NLRC5: variants seen among roughly 807,000 people sequenced by gnomAD.
The protein encoded by NLRC5 is protein NLRC5.
Under a neutral mutation model 206.9 loss-of-function variants are expected in NLRC5, and 114 were observed. That is an observed-to-expected ratio of 0.55 (90% CI 0.47 to 0.64). The LOEUF is 0.64. Among genes scored for constraint, NLRC5 ranks in the 30% least tolerant of loss-of-function variants. The pLI is 0.00. For synonymous variants in NLRC5, 952 were observed against 962.8 expected (o/e 0.99, Z 0.21); for missense variants, 2,008 against 2,305.5 (o/e 0.87, Z 2.64).
chr16:57,031,360 GT>G (rs564555412), intron 10 of NLRC5, 43 bp from the exon 11 acceptor site: 3 of 1,608,332 alleles, frequency 1.9e-6, no homozygotes, highest in Non-Finnish European at 2.6e-6. Context: ...TGATGTGCTG[GT>G]TTCCAGTCTC....
At chr16:57,080,493 T>TTC (rs1405018515) in intron 46 of NLRC5, among the ~76,000 whole-genome samples, 1 of 147,118 alleles carries the variant, frequency 6.8e-6, no homozygotes, top group Non-Finnish European at 1.5e-5. Context: ...TTTTTTTTTT[T>TTC]TTTTTTTTTG....
At chr16:57,063,932 G>T (rs369403470) in intron 32 of NLRC5, among the ~76,000 whole-genome samples, 3 of 150,128 alleles carry the variant, frequency 2.0e-5, no homozygotes, top group Admixed American at 6.6e-5. Flanking sequence ...TAGAGACGGG[G>T]TTTCACCATG....
chr16:57,072,400 C>T (rs954546992), intron 38 of NLRC5, among the ~76,000 whole-genome samples: 11 of 152,312 alleles, frequency 7.2e-5, no homozygotes, highest in Middle Eastern at 3.4e-3. Flanking sequence ...TGGGCGCATG[C>T]ACACCCTATC....
chr16:57,021,317 G>T (rs1413466222), intron 3 of NLRC5, among the ~76,000 whole-genome samples: 4 of 152,004 alleles, frequency 2.6e-5, no homozygotes, highest in African/African-American at 9.6e-5. Context: ...GCGGGGGTGG[G>T]GGGGTGTTTT....
intron 21 of NLRC5, 99 bp downstream of exon 21, chr16:57,045,591 C>G (rs2063840181): frequency 8.9e-7 from 1 of 1,127,010 alleles, no homozygotes; most frequent in South Asian, 1.3e-5. Flanking sequence ...CCACTCAGCT[C>G]TCAGTTAAAC....
intron 32 of NLRC5, chr16:57,062,776 T>C (rs1042990654): frequency 1.3e-5 from 2 of 152,276 alleles, no homozygotes; most frequent in African/African-American, 4.8e-5. Context: ...CATAACAAAA[T>C]TTGCCATCTT....
At chr16:57,058,661 T>G (rs2066008636) in intron 28 of NLRC5, among the ~76,000 whole-genome samples, 1 of 152,188 alleles carries the variant, frequency 6.6e-6, no homozygotes, top group Non-Finnish European at 1.5e-5. Flanking sequence ...CAACTGAGCT[T>G]CGTGCTCGGG....
At chr16:57,078,492 G>A (rs1363115493) in intron 43 of NLRC5, among the ~76,000 whole-genome samples, 4 of 89,666 alleles carry the variant, frequency 4.5e-5, no homozygotes, top group African/African-American at 1.7e-4. Context: ...TTTTTTTTTA[G>A]ATGGAGTCTC....
chr16:57,038,811 T>C (rs940327511), intron 15 of NLRC5, among the ~76,000 whole-genome samples: 2 of 151,892 alleles, frequency 1.3e-5, no homozygotes, highest in Non-Finnish European at 2.9e-5. Context: ...GGCGTGCACC[T>C]GTAATTCCAG....
chr16:57,034,698 C>T (rs2062305865), intron 13 of NLRC5: 1 of 155,734 alleles, frequency 6.4e-6, no homozygotes, highest in South Asian at 1.9e-4. Flanking sequence ...AAACCACAGT[C>T]CCTCAGGGCT....
intron 8 of NLRC5, 63 bp downstream of exon 8, chr16:57,028,448 C>G (rs965602873): frequency 9.5e-6 from 12 of 1,263,570 alleles, no homozygotes; most frequent in Middle Eastern, 4.0e-4. Flanking sequence ...GTCCCAGAGT[C>G]CCCCTGGGGC....
intron 1 of NLRC5, among the ~76,000 whole-genome samples, chr16:57,010,979 G>C (rs1457242914): frequency 6.6e-6 from 1 of 152,086 alleles, no homozygotes; most frequent in Non-Finnish European, 1.5e-5. Context: ...CAGTGGGAAA[G>C]GCTCTCCTGT....
intron 37 of NLRC5, among the ~76,000 whole-genome samples, chr16:57,070,186 G>A (rs548679436): frequency 6.6e-6 from 1 of 152,264 alleles, no homozygotes; most frequent in Non-Finnish European, 1.5e-5. Context: ...TGGGGCTCAT[G>A]AGCCTTGCTC....
At chr16:57,037,852 G>A (rs978843416) in intron 15 of NLRC5, among the ~76,000 whole-genome samples, 6 of 152,112 alleles carry the variant, frequency 3.9e-5, no homozygotes, top group Non-Finnish European at 5.9e-5. Context: ...GTTCCCACTC[G>A]GAGGAAAGCC....
At chr16:57,041,297 A>G (rs2063254172) in intron 17 of NLRC5, 188 bp from the exon 18 acceptor site, 1 of 573,438 alleles carries the variant, frequency 1.7e-6, no homozygotes, top group Non-Finnish European at 3.1e-6. Flanking sequence ...CTCTGCCTAT[A>G]TGTGACATCC....
chr16:57,073,680 G>A (rs531260913), intron 38 of NLRC5, among the ~76,000 whole-genome samples: 2 of 152,146 alleles, frequency 1.3e-5, no homozygotes, highest in Non-Finnish European at 2.9e-5. Context: ...TGCAACCTCC[G>A]CCTCCCGGGT....
intron 38 of NLRC5, 66 bp downstream of exon 38, chr16:57,070,684 T>TG: frequency 7.3e-7 from 1 of 1,375,286 alleles, no homozygotes; most frequent in Non-Finnish European, 1.0e-6. Context: ...TGGAAGTGGG[T>TG]GAGTGGTGGG....
At chr16:56,996,501 G>A (rs760788967) in intron 1 of NLRC5, among the ~76,000 whole-genome samples, 1 of 152,052 alleles carries the variant, frequency 6.6e-6, no homozygotes. Flanking sequence ...GTTTCTTTTC[G>A]ATGATACCTT....
At chr16:57,054,216 A>G (rs2065295194) in intron 24 of NLRC5, among the ~76,000 whole-genome samples, 1 of 152,098 alleles carries the variant, frequency 6.6e-6, no homozygotes, top group Non-Finnish European at 1.5e-5. Context: ...CATCGAATGA[A>G]TAGAGATCTG....
Sources: allele counts gnomAD v4.1 joint callset (sites outside exome capture counted in the v4.1 genomes callset), GRCh38; gene constraint gnomAD v4.1.1; transcripts MANE v1.5; gene names NCBI Gene and HGNC (gene_info 2026-07-23, HGNC 2026-07-21).